DDX60: variants seen among roughly 807,000 people sequenced by gnomAD.
The protein encoded by DDX60 is DExD/H-box helicase 60, also known as probable ATP-dependent RNA helicase DDX60.
Under a neutral mutation model 212.8 loss-of-function variants are expected in DDX60, and 165 were observed. That is an observed-to-expected ratio of 0.78 (90% CI 0.68 to 0.88). The LOEUF is 0.88. Ranked by LOEUF, DDX60 falls within the 40% of genes least tolerant of loss-of-function variation. The pLI is 0.00. For synonymous variants in DDX60, 703 were observed against 685.3 expected, an observed-to-expected ratio of 1.03 and a Z score of -0.40; for missense variants, 1,905 against 2,003.9, an observed-to-expected ratio of 0.95 and a Z score of 0.94.
intron 30 of DDX60, among the ~76,000 whole-genome samples, chr4:168,238,093 C>A (rs12502198): frequency 2.0e-5 from 3 of 151,706 alleles, no homozygotes; most frequent in African/African-American, 2.4e-5. Context: ...GATATATTAT[C>A]CCATGTTCTG....
At chr4:168,280,214 T>C in intron 14 of DDX60, 121 bp downstream of exon 14, 7 of 1,262,476 alleles carry the variant, frequency 5.5e-6, no homozygotes, top group Non-Finnish European at 6.6e-6. Flanking sequence ...TAATAATGTA[T>C]AAAGTAAGAT....
upstream of DDX60, among the ~76,000 whole-genome samples, chr4:168,320,161 A>G (rs935254597): frequency 2.0e-5 from 3 of 152,200 alleles, no homozygotes; most frequent in African/African-American, 7.2e-5. Context: ...AAAGAGGCCA[A>G]AATCCTAATT....
In DDX60 at chr4:168,237,676, T is replaced by G; in HGVS notation, c.4269+15A>C. ...GTAATGCTATTTCCCAAAACAAAAG[T>G]GCAGTAATGCATACCTCTTTCACCA... On this transcript the variant is annotated intron_variant, in intron 31 of 37. Coordinates refer to ENST00000393743, the MANE Select transcript of DDX60 (RefSeq NM_017631.6). 1 of 1,595,600 alleles carries G rather than the reference T, an allele frequency of 6.3e-7. No individual in the cohort carries two copies. Among genetic ancestry groups the G allele is most frequent in the Non-Finnish European group, 8.6e-7 (1 of 1,167,084 alleles).
upstream of DDX60, among the ~76,000 whole-genome samples, chr4:168,319,099 G>T (rs1057030747): frequency 6.6e-6 from 1 of 151,996 alleles, no homozygotes; most frequent in East Asian, 1.9e-4. Flanking sequence ...GGTAATAGAT[G>T]GGCTAATTAT....
intron 30 of DDX60, among the ~76,000 whole-genome samples, chr4:168,242,419 T>C (rs1733878401): frequency 6.6e-6 from 1 of 152,202 alleles, no homozygotes; most frequent in Non-Finnish European, 1.5e-5. Flanking sequence ...GGAGGGGCAC[T>C]ATACCCTGCA....
chr4:168,236,440 G>A (rs1049654618), intron 32 of DDX60, 67 bp from the exon 33 acceptor site: 35 of 1,352,776 alleles, frequency 2.6e-5, no homozygotes, highest in South Asian at 1.4e-4. Flanking sequence ...ATGTTTAAAT[G>A]GAATGTCATA....
chr4:168,237,397 C>T lies in DDX60; in HGVS notation c.4300G>A (p.Gly1434Arg). ...AAATGTGATACAAGTCCAGCAAACC[C>T]CATAGGATTACCTTCTTGATCTAAA... ...GYLDQEGNPM[G>R]FAGLVSHLHY... The change falls in exon 32 of 38, where the codon GGG becomes AGG. Residue 1434 changes from glycine to arginine, a missense_variant. Physicochemically the swap from Gly to Arg is moderately radical, Grantham distance 125 (BLOSUM62 -2). Coordinates refer to ENST00000393743, the MANE Select transcript of DDX60 (RefSeq NM_017631.6). 1 of 1,588,992 alleles carries T rather than the reference C, an allele frequency of 6.3e-7. No homozygotes were observed. The highest frequency in any genetic ancestry group is 2.3e-5 in the East Asian group (1 of 43,756).
intron 33 of DDX60, among the ~76,000 whole-genome samples, chr4:168,226,864 G>T (rs1733272895): frequency 6.6e-6 from 1 of 151,996 alleles, no homozygotes; most frequent in Non-Finnish European, 1.5e-5. Context: ...AGAGTAGAAG[G>T]ATGGTTATCA....
intron 1 of DDX60, among the ~76,000 whole-genome samples, chr4:168,317,592 T>C (rs537335197): frequency 1.3e-5 from 2 of 152,090 alleles, no homozygotes; most frequent in South Asian, 4.2e-4. Flanking sequence ...AGCTGGTGGG[T>C]TAAAATGGCT....
At chr4:168,234,161 T>C (rs1239215096) in intron 33 of DDX60, among the ~76,000 whole-genome samples, 1 of 152,112 alleles carries the variant, frequency 6.6e-6, no homozygotes, top group African/African-American at 2.4e-5. Context: ...TTTCTCTTTG[T>C]GCTTTTCAGC....
intron 3 of DDX60, 51 bp downstream of exon 3, chr4:168,310,947 C>G (rs762917340): frequency 2.7e-6 from 3 of 1,117,818 alleles, no homozygotes; most frequent in South Asian, 1.4e-5. Context: ...AATAGACATA[C>G]AGGGAACATG....
At chr4:168,291,531 G>T (rs1736100617) in intron 8 of DDX60, among the ~76,000 whole-genome samples, 1 of 152,186 alleles carries the variant, frequency 6.6e-6, no homozygotes, top group Non-Finnish European at 1.5e-5. Flanking sequence ...AGGAAAAATA[G>T]AGAGGCTTTT....
chr4:168,242,503 T>C (rs1341296027), intron 30 of DDX60, among the ~76,000 whole-genome samples: 1 of 152,208 alleles, frequency 6.6e-6, no homozygotes, highest in Non-Finnish European at 1.5e-5. Flanking sequence ...ATGTGAGACA[T>C]GGAGTCAAAG....
chr4:168,242,446 G>A (rs1733879530), intron 30 of DDX60, among the ~76,000 whole-genome samples: 1 of 152,260 alleles, frequency 6.6e-6, no homozygotes, highest in African/African-American at 2.4e-5. Context: ...TTGAAGTGAA[G>A]CTGCCCAAGG....
upstream of DDX60, among the ~76,000 whole-genome samples, chr4:168,323,599 T>TA (rs1305556640): frequency 1.3e-5 from 2 of 152,222 alleles, no homozygotes; most frequent in African/African-American, 4.8e-5. Context: ...TCACATTCAT[T>TA]AATGTCTAGA....
chr4:168,233,047 G>T (rs1733510100), intron 33 of DDX60, among the ~76,000 whole-genome samples: 1 of 151,930 alleles, frequency 6.6e-6, no homozygotes, highest in African/African-American at 2.4e-5. Flanking sequence ...AGTGAGCTAA[G>T]GACATGAATA....
At chr4:168,316,703 T>G (rs1436339319) in intron 1 of DDX60, among the ~76,000 whole-genome samples, 1 of 151,786 alleles carries the variant, frequency 6.6e-6, no homozygotes, top group East Asian at 1.9e-4. Flanking sequence ...CCTAATGAAT[T>G]AACAGATCTT....
chr4:168,225,700 G>T, intron 33 of DDX60, 24 bp from the exon 34 acceptor site: 1 of 1,601,872 alleles, frequency 6.2e-7, no homozygotes, highest in Non-Finnish European at 8.5e-7. Context: ...AATTTTCATA[G>T]AGATAGATCT....
intron 1 of DDX60, among the ~76,000 whole-genome samples, chr4:168,314,244 T>C (rs1737265825): frequency 6.6e-6 from 1 of 151,986 alleles, no homozygotes; most frequent in African/African-American, 2.4e-5. Context: ...TTCACAGTCA[T>C]TATCCCCACT....
Sources: gnomAD v4.1 joint callset for allele counts (sites outside exome capture counted in the v4.1 genomes callset) on GRCh38, gnomAD v4.1.1 for gene constraint, MANE v1.5 for transcripts, NCBI Gene and HGNC (gene_info 2026-07-23, HGNC 2026-07-21) for gene names.